The following GLI3 variants were observed in gnomAD, a reference collection of about 807,000 sequenced individuals.
GLI3 encodes the protein transcription activator GLI3.
A neutral mutation model predicts 100.8 loss-of-function variants in GLI3; 20 were observed. That is an observed-to-expected ratio of 0.20 (90% CI 0.14 to 0.29). The LOEUF (loss-of-function observed/expected upper bound fraction) is 0.29, where lower values mean the gene tolerates loss of function less well. GLI3 is among the 10% of genes least tolerant of loss of function. The pLI, the probability that GLI3 is intolerant of heterozygous loss-of-function variation, is 1.00. For synonymous variants in GLI3, 938 were observed against 860.5 expected (o/e 1.09, Z -1.58); for missense variants, 2,040 against 2,128.5 (o/e 0.96, Z 0.82).
chr7:42,127,873 G>A (rs748503087), intron 3 of GLI3, among the ~76,000 whole-genome samples: 8 of 152,006 alleles, frequency 5.3e-5, no homozygotes, highest in Non-Finnish European at 8.8e-5. Flanking sequence ...TTAGCCAGGT[G>A]TGGTGGCACA....
At chr7:42,037,250 A>G (rs1784030848) in intron 7 of GLI3, among the ~76,000 whole-genome samples, 1 of 152,236 alleles carries the variant, frequency 6.6e-6, no homozygotes, top group Non-Finnish European at 1.5e-5. Flanking sequence ...AGCATGTCGC[A>G]GAGGCTAAAC....
Position 42,119,152 on chromosome 7 carries a change from C to T in GLI3, c.367+29074G>A, listed in dbSNP as rs576974822. 1.7e-4 allele frequency among the ~76,000 whole-genome samples: 26 copies of T among 152,356 alleles called. No homozygotes were observed. In the South Asian group the frequency reaches 5.4e-3, roughly 32 times the overall value. ...GAAGCCGAGGCCTCTGACTCCCGCA[C>T]TGTATTCTTTCATTCCGACTTCTAT... On this transcript the variant is annotated intron_variant, in intron 3 of 14. Transcript: ENST00000395925.
intron 4 of GLI3, among the ~76,000 whole-genome samples, chr7:42,055,116 C>CAT (rs35453201): frequency 0.28 from 35,404 of 125,962 alleles, 4,548 homozygotes; most frequent in East Asian, 0.43. Context: ...TATATATACA[C>CAT]ATATATATAC....
intron 2 of GLI3, among the ~76,000 whole-genome samples, chr7:42,176,532 A>G (rs1482457182): frequency 6.6e-6 from 1 of 152,252 alleles, no homozygotes; most frequent in African/African-American, 2.4e-5. Context: ...GCACAAGCCC[A>G]TGGCTTGCAC....
intron 13 of GLI3, among the ~76,000 whole-genome samples, chr7:41,968,484 C>T (rs1787248259): frequency 6.6e-6 from 1 of 151,966 alleles, no homozygotes; most frequent in Non-Finnish European, 1.5e-5. Context: ...AAGATATGCG[C>T]CATCAGCACA....
intron 2 of GLI3, among the ~76,000 whole-genome samples, chr7:42,168,713 C>T (rs1024204912): frequency 6.6e-6 from 1 of 151,958 alleles, no homozygotes; most frequent in Admixed American, 6.6e-5. Flanking sequence ...GCCAGGAATT[C>T]GAGACCAGCC....
At chr7:42,001,807 T>C (rs1054294943) in intron 10 of GLI3, among the ~76,000 whole-genome samples, 9 of 151,862 alleles carry the variant, frequency 5.9e-5, no homozygotes, top group African/African-American at 1.7e-4. Context: ...AATAACTGAG[T>C]CTACTGCATT....
intron 2 of GLI3, among the ~76,000 whole-genome samples, chr7:42,198,243 G>A (rs1787969861): frequency 6.6e-6 from 1 of 152,160 alleles, no homozygotes; most frequent in African/African-American, 2.4e-5. Context: ...ACACGCAAAT[G>A]TGCAAAAAAT....
chr7:42,148,580 T>G (rs1786779466), intron 2 of GLI3, 112 bp from the exon 3 acceptor site: 1 of 1,066,098 alleles, frequency 9.4e-7, no homozygotes, highest in Non-Finnish European at 1.4e-6. Flanking sequence ...AAGAAGTATC[T>G]TTCTCATTCA....
intron 7 of GLI3, among the ~76,000 whole-genome samples, chr7:42,031,824 A>C (rs1319585221): frequency 4.6e-5 from 7 of 152,206 alleles, no homozygotes; most frequent in African/African-American, 1.7e-4. Flanking sequence ...CTCTGAGCTC[A>C]GTTAAAAGTG....
At chr7:42,193,626 T>C (rs778066397) in intron 2 of GLI3, among the ~76,000 whole-genome samples, 1 of 152,194 alleles carries the variant, frequency 6.6e-6, no homozygotes, top group African/African-American at 2.4e-5. Flanking sequence ...TGAAGAACTA[T>C]CTGAACACCC....
intron 2 of GLI3, among the ~76,000 whole-genome samples, chr7:42,207,886 G>A (rs756985352): frequency 7.2e-5 from 11 of 152,324 alleles, no homozygotes; most frequent in Middle Eastern, 3.4e-3. Flanking sequence ...AGCCGAGCAC[G>A]GTGGCTCACG....
Position 42,023,374 on chromosome 7 carries a change from A to G in GLI3, c.1497+94T>C, listed in dbSNP as rs369663989. The G allele has an allele frequency of 6.8e-3, 9,207 of 1,348,358 alleles. 56 individuals are homozygous for G. Among genetic ancestry groups the G allele is most frequent in the Non-Finnish European group, 8.1e-3 (7,606 of 940,536 alleles). The allele number at this position is 1,348,358 out of a possible 1,614,324, so 83.5% of individuals were successfully genotyped here. A position where few individuals can be genotyped will look rare whatever the true frequency, so the allele number is the denominator to read the frequency against. On this transcript the variant is annotated intron_variant, in intron 10 of 14. Transcript: ENST00000395925. ...CTCTCCAGTTCGCAATGCGGCTCCT[A>G]AGAAACTTGACTCAGCTCAGGGTCA...
intron 9 of GLI3, 26 bp from the exon 10 acceptor site, chr7:42,023,634 G>T (rs1583801403): frequency 9.7e-6 from 13 of 1,341,156 alleles, no homozygotes; most frequent in East Asian, 2.6e-5. Flanking sequence ...GGGGGGCAGG[G>T]AACAGAGAAG....
chr7:42,055,041 A>C (rs373968724), intron 4 of GLI3, among the ~76,000 whole-genome samples: 6 of 133,208 alleles, frequency 4.5e-5, no homozygotes, highest in East Asian at 2.1e-4. Flanking sequence ...ATATGTATAC[A>C]TATATATATA....
At chr7:42,091,240 C>T (rs1261735369) in intron 3 of GLI3, among the ~76,000 whole-genome samples, 1 of 152,244 alleles carries the variant, frequency 6.6e-6, no homozygotes, top group Non-Finnish European at 1.5e-5. Flanking sequence ...CTCTGCTTCA[C>T]CCTTGCCAAC....
chr7:42,219,987 G>A (rs917520852), intron 2 of GLI3, among the ~76,000 whole-genome samples: 2 of 151,766 alleles, frequency 1.3e-5, no homozygotes, highest in African/African-American at 4.8e-5. Flanking sequence ...CCGAGTGGCT[G>A]GGACTACAGG....
intron 1 of GLI3, among the ~76,000 whole-genome samples, chr7:42,234,078 T>A (rs1224051890): frequency 6.6e-6 from 1 of 152,198 alleles, no homozygotes; most frequent in African/African-American, 2.4e-5. Flanking sequence ...AGAAGAAAAG[T>A]CTGACTTTTA....
intron 3 of GLI3, among the ~76,000 whole-genome samples, chr7:42,124,599 T>C (rs976752406): frequency 1.3e-5 from 2 of 152,210 alleles, no homozygotes; most frequent in Non-Finnish European, 2.9e-5. Flanking sequence ...CAACCAAGTA[T>C]GGAAAGCCAA....
Sources: gnomAD v4.1 joint callset for allele counts (sites outside exome capture counted in the v4.1 genomes callset) on GRCh38, gnomAD v4.1.1 for gene constraint, MANE v1.5 for transcripts, NCBI Gene and HGNC (gene_info 2026-07-23, HGNC 2026-07-21) for gene names.